The following CDH13 variants were observed in gnomAD, a reference collection of about 807,000 sequenced individuals.
CDH13 encodes cadherin 13, also known as cadherin-13.
Under a neutral mutation model 63.8 loss-of-function variants are expected in CDH13, and 24 were observed. The observed-to-expected ratio is 0.38, with a 90% CI of 0.27 to 0.53. The LOEUF is 0.53. CDH13 is among the 20% of genes least tolerant of loss of function. CDH13 has a pLI of 0.85. For synonymous variants in CDH13, 503 were observed against 355.3 expected (o/e 1.42, Z -4.67); for missense variants, 1,049 against 903.1 (o/e 1.16, Z -2.07).
intron 8 of CDH13, among the ~76,000 whole-genome samples, chr16:83,644,189 A>G (rs1326442810): frequency 6.6e-6 from 1 of 152,270 alleles, no homozygotes; most frequent in South Asian, 2.1e-4. Flanking sequence ...CATTCTCCCA[A>G]TTTCATTAAC....
intron 3 of CDH13, among the ~76,000 whole-genome samples, chr16:83,124,754 T>A (rs1010493679): frequency 6.6e-6 from 1 of 152,176 alleles, no homozygotes; most frequent in Admixed American, 6.5e-5. Flanking sequence ...ATATGGGTGT[T>A]TAGGCCAACA....
chr16:83,108,843 G>GAGCTGGGATATAAATCCCCC (rs2034913980), intron 3 of CDH13, among the ~76,000 whole-genome samples: 1 of 152,080 alleles, frequency 6.6e-6, no homozygotes, highest in Admixed American at 6.5e-5. Context: ...TGACTGATGG[G>GAGCTGGGATATAAATCCCCC]AGCTGGGATA....
chr16:83,595,837 C>G (rs998426788), intron 7 of CDH13, among the ~76,000 whole-genome samples: 1 of 152,186 alleles, frequency 6.6e-6, no homozygotes, highest in African/African-American at 2.4e-5. Context: ...CCACAAGTTC[C>G]TTTGCTTGCA....
intron 6 of CDH13, among the ~76,000 whole-genome samples, chr16:83,444,865 A>G: frequency 4.5e-3 from 1 of 224 alleles, no homozygotes. Flanking sequence ...TCAGCAAATC[A>G]GCGCTTTCCT....
chr16:82,718,173 A>C (rs1450393136), intron 1 of CDH13, among the ~76,000 whole-genome samples: 3 of 152,214 alleles, frequency 2.0e-5, no homozygotes, highest in Non-Finnish European at 4.4e-5. Flanking sequence ...TCTTATGGGC[A>C]GCTGGAGCTG....
At chr16:82,653,306 CT>C (rs950822366) in intron 1 of CDH13, among the ~76,000 whole-genome samples, 2 of 152,042 alleles carry the variant, frequency 1.3e-5, no homozygotes, top group African/African-American at 4.8e-5. Context: ...GCTTTTGCAC[CT>C]TTTTGTAGTG....
intron 4 of CDH13, among the ~76,000 whole-genome samples, chr16:83,178,093 A>G (rs950675325): frequency 6.6e-5 from 10 of 152,176 alleles, no homozygotes; most frequent in Admixed American, 1.3e-4. Context: ...ACAGCTAACT[A>G]TCGGTCCACT....
chr16:83,239,630 AT>A (rs1319061980), intron 5 of CDH13, among the ~76,000 whole-genome samples: 1 of 152,110 alleles, frequency 6.6e-6, no homozygotes, highest in Non-Finnish European at 1.5e-5. Context: ...GACTGAGGTG[AT>A]TTTTTTCTGG....
intron 5 of CDH13, among the ~76,000 whole-genome samples, chr16:83,344,317 T>G (rs1436863455): frequency 6.6e-6 from 1 of 152,164 alleles, no homozygotes; most frequent in African/African-American, 2.4e-5. Flanking sequence ...TCCTCCGAAA[T>G]TGTAAACAGC....
intron 10 of CDH13, among the ~76,000 whole-genome samples, chr16:83,714,187 GA>G (rs1185883627): frequency 6.6e-6 from 1 of 152,192 alleles, no homozygotes; most frequent in Non-Finnish European, 1.5e-5. Context: ...CAAATCACAC[GA>G]TAGTAAATGG....
rs1006562362 is a variant in CDH13 at position 83,797,689 on chromosome 16, C to T, written c.*2659C>T. On this transcript the variant is annotated 3_prime_UTR_variant, in exon 14 of 14. Coordinates refer to ENST00000567109, the MANE Select transcript of CDH13 (RefSeq NM_001257.5). Reference sequence around the variant, plus strand: ...ATTACCTATGCATTTTATCTGAGTCCAACTTATTAAAAAACGAAGTCAAGT... The same window carrying T: ...ATTACCTATGCATTTTATCTGAGTCTAACTTATTAAAAAACGAAGTCAAGT... 2.0e-5 allele frequency: 3 copies of T among 152,130 alleles called. No homozygotes were observed. Among genetic ancestry groups the T allele is most frequent in the African/African-American group, 7.2e-5 (3 of 41,416 alleles). The allele number at this position is 152,130 out of a possible 1,614,324, so 9.4% of individuals were successfully genotyped here. A position where few individuals can be genotyped will look rare whatever the true frequency, so the allele number is the denominator to read the frequency against.
intron 5 of CDH13, among the ~76,000 whole-genome samples, chr16:83,277,963 T>C (rs911385832): frequency 1.3e-5 from 2 of 152,212 alleles, no homozygotes; most frequent in African/African-American, 4.8e-5. Context: ...AGTGAAATGC[T>C]ATATCAAGTA....
At chr16:82,706,291 G>A (rs1359722754) in intron 1 of CDH13, among the ~76,000 whole-genome samples, 10 of 152,124 alleles carry the variant, frequency 6.6e-5, no homozygotes, top group Admixed American at 6.6e-4. Context: ...AGTAACACAG[G>A]TGATAAATAA....
At chr16:82,903,881 G>A (rs1006668848) in intron 2 of CDH13, among the ~76,000 whole-genome samples, 2 of 152,160 alleles carry the variant, frequency 1.3e-5, no homozygotes, top group South Asian at 2.1e-4. Context: ...CTATAGCTAG[G>A]AAGTGGCAAG....
intron 10 of CDH13, among the ~76,000 whole-genome samples, chr16:83,714,962 A>G (rs1908661609): frequency 6.6e-6 from 1 of 152,158 alleles, no homozygotes; most frequent in Non-Finnish European, 1.5e-5. Context: ...CTGTTTCTTT[A>G]CATCATTTGC....
At chr16:83,113,051 T>C (rs971124202) in intron 3 of CDH13, among the ~76,000 whole-genome samples, 5 of 152,212 alleles carry the variant, frequency 3.3e-5, no homozygotes, top group African/African-American at 1.2e-4. Flanking sequence ...CAACACCAGA[T>C]TGACCTCAGG....
chr16:83,369,223 G>A (rs1284609786), intron 6 of CDH13, among the ~76,000 whole-genome samples: 1 of 151,448 alleles, frequency 6.6e-6, no homozygotes, highest in Non-Finnish European at 1.5e-5. Flanking sequence ...ATAGATGCGG[G>A]GAAAAGGGAA....
chr16:83,412,810 A>G (rs1386621151), intron 6 of CDH13, among the ~76,000 whole-genome samples: 2 of 152,234 alleles, frequency 1.3e-5, no homozygotes, highest in African/African-American at 2.4e-5. Flanking sequence ...CGATTTCAGG[A>G]CATCTTTGAA....
chr16:82,925,515 G>C (rs2042275606), intron 2 of CDH13, among the ~76,000 whole-genome samples: 1 of 152,172 alleles, frequency 6.6e-6, no homozygotes, highest in African/African-American at 2.4e-5. Context: ...GGCTAGAACA[G>C]GTCATGCACT....
Sources: gnomAD v4.1 joint callset for allele counts (sites outside exome capture counted in the v4.1 genomes callset) on GRCh38, gnomAD v4.1.1 for gene constraint, MANE v1.5 for transcripts, NCBI Gene and HGNC (gene_info 2026-07-23, HGNC 2026-07-21) for gene names.